The following CHD1 variants were observed in gnomAD, a reference collection of about 807,000 sequenced individuals.
CHD1 encodes the protein ATP-dependent chromatin remodeler CHD1.
Under a neutral mutation model 224.2 loss-of-function variants are expected in CHD1, and 36 were observed. The observed-to-expected ratio is 0.16, with a 90% CI of 0.12 to 0.21. The LOEUF (loss-of-function observed/expected upper bound fraction) is 0.21. Ranked by LOEUF, CHD1 falls within the 10% of genes least tolerant of loss-of-function variation. The probability of loss-of-function intolerance (pLI) is 1.00; values close to 1 mark genes in which losing one functional copy is unlikely to be tolerated. For synonymous variants in CHD1, 668 were observed against 658.3 expected (o/e 1.01, Z -0.23); for missense variants, 1,378 against 1,994.8 (o/e 0.69, Z 5.89).
At chr5:98,890,948 T>C (rs1750976247) in intron 15 of CHD1, among the ~76,000 whole-genome samples, 1 of 152,172 alleles carries the variant, frequency 6.6e-6, no homozygotes, top group Admixed American at 6.5e-5. Context: ...CAATCCCAAT[T>C]CGAGTAAACG....
chr5:98,895,923 T>C (rs1751316442), intron 12 of CHD1, among the ~76,000 whole-genome samples: 1 of 152,102 alleles, frequency 6.6e-6, no homozygotes, highest in Admixed American at 6.6e-5. Context: ...TCATCCTTGT[T>C]AGGCCAAGAA....
At chr5:98,863,857 T>C (rs1404634243) in intron 31 of CHD1, among the ~76,000 whole-genome samples, 2 of 152,184 alleles carry the variant, frequency 1.3e-5, no homozygotes, top group Non-Finnish European at 2.9e-5. Context: ...ACAAAAATGG[T>C]TATTTTTTAT....
At chr5:98,876,355 T>A in intron 24 of CHD1, 43 bp downstream of exon 24, 1 of 1,561,856 alleles carries the variant, frequency 6.4e-7, no homozygotes, top group East Asian at 2.3e-5. Context: ...AGTTTCACAC[T>A]CTACTAAAAC....
intron 2 of CHD1, among the ~76,000 whole-genome samples, chr5:98,919,653 A>C (rs1301665788): frequency 3.3e-5 from 5 of 152,222 alleles, no homozygotes; most frequent in Non-Finnish European, 7.3e-5. Context: ...GTTACAAAGC[A>C]ATAAGAAAGA....
At chr5:98,928,349 C>A (rs1011707912) in intron 1 of CHD1, among the ~76,000 whole-genome samples, 190 bp downstream of exon 1, 4 of 152,090 alleles carry the variant, frequency 2.6e-5, no homozygotes. Context: ...TCTGCGGCCC[C>A]GGCCTGTACT....
intron 2 of CHD1, among the ~76,000 whole-genome samples, chr5:98,915,578 A>G (rs968120394): frequency 2.6e-5 from 4 of 152,238 alleles, no homozygotes; most frequent in Non-Finnish European, 5.9e-5. Context: ...CCTAACATAC[A>G]TCTAAAATTT....
chr5:98,887,142 T>C (rs1228764030), intron 17 of CHD1, among the ~76,000 whole-genome samples: 1 of 152,166 alleles, frequency 6.6e-6, no homozygotes, highest in African/African-American at 2.4e-5. Context: ...GTAAACTGTA[T>C]GATATGGGAA....
At chr5:98,917,020 T>C (rs1261669573) in intron 2 of CHD1, among the ~76,000 whole-genome samples, 1 of 152,064 alleles carries the variant, frequency 6.6e-6, no homozygotes, top group Non-Finnish European at 1.5e-5. Context: ...ATCTCAAGCA[T>C]AAAAACAAAA....
rs1751233102 is a variant in CHD1 at position 98,894,664 on chromosome 5, T to C, written c.1733A>G (p.His578Arg). ...RNMIRTHEWTHHQTKRLKFNI... is the reference protein window; with the variant it reads ...RNMIRTHEWTRHQTKRLKFNI... ...AAATTTTAACCGTTTGGTCTGATGA[T>C]GCGTCCATTCATGAGTTCTTATCTA... is the stretch of plus-strand genomic sequence containing the variant. Residue 578 changes from histidine (H) to arginine (R), a missense_variant, in exon 13 of 36, where the codon CAT (histidine) becomes CGT (arginine). Around this residue, in one of 16 missense-constraint regions of CHD1, gnomAD observed 49 missense variants for 135.7 expected, o/e 0.36. Coordinates refer to ENST00000614616, the MANE Select transcript of CHD1 (RefSeq NM_001270.4). 2 of 1,491,858 alleles carry C rather than the reference T, an allele frequency of 1.3e-6. No individual in the cohort carries two copies. The highest frequency in any genetic ancestry group is 2.8e-5 in the African/African-American group (2 of 71,346). 92.4% of individuals were successfully genotyped at this position (1,491,858 alleles called of 1,614,324 possible).
intron 31 of CHD1, among the ~76,000 whole-genome samples, chr5:98,866,162 G>C (rs1281146055): frequency 2.6e-5 from 4 of 151,492 alleles, no homozygotes; most frequent in Non-Finnish European, 5.9e-5. Context: ...CCTTGAAAAA[G>C]AGAGAAGAAA....
rs61406690 is a variant in CHD1, at chr5:98,871,369, CAAAAAAAAAAAAAAAAAAA to C, written c.3862-585_3862-567del. ...TTCTCCCAGTGTTTCCCATTTTAGG[CAAAAAAAAAAAAAAAAAAA>C]AAAAAAAAAAAGGATTTCAGCTAGC... On this transcript the variant is annotated intron_variant, in intron 28 of 35. Coordinates refer to ENST00000614616, the MANE Select transcript of CHD1 (RefSeq NM_001270.4). Among the ~76,000 whole-genome samples the C allele has an allele frequency of 2.4e-3, 112 of 46,796 alleles. 1 individual carries two copies. Among genetic ancestry groups the C allele is most frequent in the South Asian group, 0.01 (10 of 986 alleles). The allele number at this position is 46,796 out of a possible 152,430, so 30.7% of individuals were successfully genotyped here.
rs11451331 is a variant in CHD1, at chr5:98,911,130, GAAA to G, written c.54-6035_54-6033del. On this transcript the variant is annotated intron_variant, in intron 2 of 35. Coordinates refer to ENST00000614616, the MANE Select transcript of CHD1 (RefSeq NM_001270.4). ...TCTAACAACCTTCCTGTGCTAAAATGAAAAAAAAAAAAAAAAATATATATATAT... is the reference window on the plus strand; with the variant it reads ...TCTAACAACCTTCCTGTGCTAAAATGAAAAAAAAAAAAAATATATATATAT... Among the ~76,000 whole-genome samples, 279 of 43,998 alleles carry G rather than the reference GAAA, an allele frequency of 6.3e-3. 2 individuals are homozygous for G. The highest frequency in any genetic ancestry group is 0.019 in the Middle Eastern group (1 of 54). The allele number at this position is 43,998 out of a possible 152,430, so 28.9% of individuals were successfully genotyped here. A position where few individuals can be genotyped will look rare whatever the true frequency, so the allele number is the denominator to read the frequency against.
At chr5:98,881,551 C>T (rs1269772478) in intron 20 of CHD1, among the ~76,000 whole-genome samples, 176 bp from the exon 21 acceptor site, 4 of 151,400 alleles carry the variant, frequency 2.6e-5, no homozygotes, top group Admixed American at 6.6e-5. Flanking sequence ...CTTCTGTCAC[C>T]CAGGCTGAAG....
intron 13 of CHD1, among the ~76,000 whole-genome samples, chr5:98,894,116 C>CT (rs201309910): frequency 1.7e-3 from 254 of 152,256 alleles, no homozygotes; most frequent in East Asian, 0.013. Context: ...TCATTAAATT[C>CT]TTTGAGACAT....
chr5:98,873,585 A>C lies in CHD1; in HGVS notation c.3571+8T>G. ...TTCTCTTTTAAATCACTCTCAGTTT[A>C]ATGTTACCTGTTCGTTCTGTTCCTG... On this transcript the variant is annotated splice_region_variant and intron_variant, in intron 26 of 35. Transcript: ENST00000614616. 1.3e-6 allele frequency: 2 copies of C among 1,582,114 alleles called. No individual in the cohort carries two copies. The highest frequency in any genetic ancestry group is 2.4e-5 in the South Asian group (2 of 84,598).
rs930968496 is a variant in CHD1, at chr5:98,896,845, G to A, written c.1493+348C>T. 5.3e-5 allele frequency among the ~76,000 whole-genome samples: 8 copies of A among 150,260 alleles called. 1 individual carries two copies. Among genetic ancestry groups the A allele is most frequent in the African/African-American group, 1.7e-4 (7 of 41,002 alleles). On this transcript the variant is annotated intron_variant, in intron 11 of 35. Transcript: ENST00000614616. Reference sequence around the variant, plus strand: ...CCGAGATTCACAAAAGTAGAGTGGGGGCCATAGAAGATAGAAAAAAAATGT... The same window carrying A: ...CCGAGATTCACAAAAGTAGAGTGGGAGCCATAGAAGATAGAAAAAAAATGT...
chr5:98,867,623 G>T (rs533422626), intron 31 of CHD1, among the ~76,000 whole-genome samples: 118 of 151,992 alleles, frequency 7.8e-4, no homozygotes, highest in Non-Finnish European at 1.3e-3. Context: ...TTTGAAATAC[G>T]AGCTGGAGGA....
intron 2 of CHD1, among the ~76,000 whole-genome samples, chr5:98,913,387 T>C (rs996421104): frequency 3.9e-5 from 6 of 152,034 alleles, no homozygotes; most frequent in African/African-American, 9.7e-5. Flanking sequence ...GGGAGGAGGA[T>C]CCCTTAAACC....
intron 2 of CHD1, among the ~76,000 whole-genome samples, chr5:98,911,130 G>GAAAAAAA (rs11451331): frequency 4.5e-5 from 2 of 44,038 alleles, no homozygotes; most frequent in Admixed American, 3.1e-4. Flanking sequence ...GTGCTAAAAT[G>GAAAAAAA]AAAAAAAAAA....
Sources: gnomAD v4.1 joint callset for allele counts (sites outside exome capture counted in the v4.1 genomes callset) on GRCh38, gnomAD v4.1.1 for gene constraint, gnomAD v4.1.1 regional missense constraint, MANE v1.5 for transcripts, NCBI Gene and HGNC (gene_info 2026-07-23, HGNC 2026-07-21) for gene names.